The following RPL21 variants were observed in gnomAD, a reference collection of about 807,000 sequenced individuals.
The protein encoded by RPL21 is ribosomal protein L21.
A neutral mutation model predicts 21.2 loss-of-function variants in RPL21; 1 was observed. The observed-to-expected ratio is 0.05, with a 90% CI of 0.02 to 0.22. The LOEUF is 0.22. RPL21 is among the 10% of genes least tolerant of loss of function. RPL21 has a pLI of 1.00. For missense variants in RPL21, 113 were observed against 199.4 expected (o/e 0.57, Z 2.61); for synonymous variants, 52 against 62.9 (o/e 0.83, Z 0.82).
chr13:27,254,761 G>C lies in RPL21; in HGVS notation c.129+480G>C, dbSNP rs1197703524. Among the ~76,000 whole-genome samples, 5 of 152,230 alleles carry C rather than the reference G, an allele frequency of 3.3e-5. No homozygotes were observed. In the South Asian group the frequency reaches 1.0e-3, roughly 32 times the overall value. On this transcript the variant is annotated intron_variant, in intron 3 of 5. Coordinates refer to ENST00000311549, the MANE Select transcript of RPL21 (RefSeq NM_000982.4). ...TGGTCTTGAACACCTCGGGTGATCC[G>C]CCGGACTCAGCCTCCCAATGTGCTG...
At chr13:27,254,019 A>G (rs933053732) in intron 2 of RPL21, among the ~76,000 whole-genome samples, 176 bp downstream of exon 2, 2 of 152,222 alleles carry the variant, frequency 1.3e-5, no homozygotes, top group Non-Finnish European at 2.9e-5. Context: ...TTTTGTGACT[A>G]AGTATTGATG....
chr13:27,252,462 A>C (rs1259089599), intron 1 of RPL21, among the ~76,000 whole-genome samples: 1 of 152,174 alleles, frequency 6.6e-6, no homozygotes, highest in Non-Finnish European at 1.5e-5. Flanking sequence ...TCGTTTTGAA[A>C]AGTGCCTTCA....
At chr13:27,254,399 T>G in intron 3 of RPL21, 118 bp downstream of exon 3, 1 of 648,626 alleles carries the variant, frequency 1.5e-6, no homozygotes, top group Non-Finnish European at 2.7e-6. Context: ...TGGATTTTTT[T>G]TTTTTTTTTT....
intron 1 of RPL21, among the ~76,000 whole-genome samples, chr13:27,253,117 G>T (rs1881725673): frequency 6.6e-6 from 1 of 152,228 alleles, no homozygotes; most frequent in Non-Finnish European, 1.5e-5. Context: ...AGCTACGAAA[G>T]TGTTCACCCC....
At chr13:27,253,665 T>A in intron 1 of RPL21, 100 bp from the exon 2 acceptor site, 1 of 729,312 alleles carries the variant, frequency 1.4e-6, no homozygotes, top group Non-Finnish European at 2.5e-6. Context: ...CAGTTTGCAG[T>A]TCTCACTTCG....
chr13:27,252,363 G>A (rs1407956357), intron 1 of RPL21, among the ~76,000 whole-genome samples: 1 of 152,180 alleles, frequency 6.6e-6, no homozygotes, highest in African/African-American at 2.4e-5. Flanking sequence ...CTAGTTTGTG[G>A]ACGTCAACAG....
chr13:27,255,623 G>T lies in RPL21; in HGVS notation c.242+269G>T, dbSNP rs1881867069. On this transcript the variant is annotated intron_variant, in intron 4 of 5. Transcript: ENST00000311549. Reference sequence around the variant, plus strand: ...GTCTTGCTCTGTCGCCCTGGCTGGAGTGCAGTGGTGGGATCTCTGCTCTCT... The same window carrying T: ...GTCTTGCTCTGTCGCCCTGGCTGGATTGCAGTGGTGGGATCTCTGCTCTCT... The T allele has an allele frequency of 1.3e-5, 7 of 546,582 alleles. No individual in the cohort carries two copies. The Admixed American group carries it at 1.4e-4, about 11-fold the overall frequency. The allele number at this position is 546,582 out of a possible 1,614,324, so 33.9% of individuals were successfully genotyped here. A position where few individuals can be genotyped will look rare whatever the true frequency, so the allele number is the denominator to read the frequency against.
intron 3 of RPL21, 184 bp downstream of exon 3, chr13:27,254,465 A>C (rs1593261484): frequency 1.9e-6 from 1 of 538,664 alleles, no homozygotes; most frequent in Non-Finnish European, 3.2e-6. Flanking sequence ...GCATGATCTC[A>C]CCTCAACCTC....
At chr13:27,255,471 C>A in intron 4 of RPL21, 117 bp downstream of exon 4, 1 of 769,536 alleles carries the variant, frequency 1.3e-6, no homozygotes. Flanking sequence ...AGGAAATATC[C>A]TTTTAAAACT....
chr13:27,254,045 G>C (rs1267849891), intron 2 of RPL21, among the ~76,000 whole-genome samples, 175 bp from the exon 3 acceptor site: 1 of 152,208 alleles, frequency 6.6e-6, no homozygotes, highest in Admixed American at 6.5e-5. Context: ...TTAAACTTTG[G>C]AGAGAGGTTG....
chr13:27,253,104 C>T (rs1881724790), intron 1 of RPL21, among the ~76,000 whole-genome samples: 1 of 152,284 alleles, frequency 6.6e-6, no homozygotes, highest in African/African-American at 2.4e-5. Context: ...TAGACATTAC[C>T]TCAGCTACGA....
chr13:27,254,902 A>G, intron 3 of RPL21: 1 of 407,324 alleles, frequency 2.5e-6, no homozygotes. Context: ...GCTAGTGGAA[A>G]TTGGGTGGTA....
At chr13:27,252,431 A>G (rs559089676) in intron 1 of RPL21, among the ~76,000 whole-genome samples, 1 of 152,160 alleles carries the variant, frequency 6.6e-6, no homozygotes, top group African/African-American at 2.4e-5. Context: ...TGATTTTAAT[A>G]CTCTTACAAA....
In RPL21 at chr13:27,256,302, G is replaced by C. The variant is rs1566039648; in HGVS notation, c.361G>C (p.Glu121Gln). The change falls in exon 5 of 6, where the codon GAG (glutamate) becomes CAG (glutamine). Residue 121 changes from glutamate to glutamine, a missense_variant. Coordinates refer to ENST00000311549, the MANE Select transcript of RPL21 (RefSeq NM_000982.4). ...TGATCAGAAAAAGAAAGAAGCCAAA[G>C]AGAAAGGTACCTGGGTTCAACTAAA... is the stretch of plus-strand genomic sequence containing the variant. ...ENDQKKKEAK[E>Q]KGTWVQLKRQ... The C allele has an allele frequency of 1.9e-6, 3 of 1,609,012 alleles. No homozygotes were observed. The highest frequency in any genetic ancestry group is 2.2e-5 in the South Asian group (2 of 90,532).
At chr13:27,254,798 G>A (rs1007849913) in intron 3 of RPL21, 4 of 347,430 alleles carry the variant, frequency 1.2e-5, no homozygotes, top group African/African-American at 6.4e-5. Flanking sequence ...GATTATTACA[G>A]GTGTGAACCA....
chr13:27,253,372 T>C (rs1394710519), intron 1 of RPL21, among the ~76,000 whole-genome samples: 1 of 151,998 alleles, frequency 6.6e-6, no homozygotes, highest in Non-Finnish European at 1.5e-5. Flanking sequence ...CACATAAAAA[T>C]GTAAGGCTGT....
chr13:27,256,453 A>G lies in RPL21; in HGVS notation c.411A>G (p.Glu137=), dbSNP rs766396163. 1.9e-6 allele frequency: 3 copies of G among 1,582,976 alleles called. No homozygotes were observed. The highest frequency in any genetic ancestry group is 2.2e-5 in the East Asian group (1 of 44,744). Residue 137 remains glutamate, a synonymous_variant, in exon 6 of 6, where the codon GAA becomes GAG. Coordinates refer to ENST00000311549, the MANE Select transcript of RPL21 (RefSeq NM_000982.4). ...TTTAATAGCCTGCTCCACCCAGAGA[A>G]GCACACTTTGTGAGAACCAATGGGA... ...QLKRQPAPPR[E]AHFVRTNGKE...
chr13:27,252,831 C>T (rs761010869), intron 1 of RPL21, among the ~76,000 whole-genome samples: 1 of 152,158 alleles, frequency 6.6e-6, no homozygotes, highest in African/African-American at 2.4e-5. Context: ...TGTTGGTAAA[C>T]TTAGAAACCA....
chr13:27,254,361 T>C, intron 3 of RPL21, 80 bp downstream of exon 3: 1 of 803,898 alleles, frequency 1.2e-6, no homozygotes, highest in Non-Finnish European at 2.2e-6. Flanking sequence ...CAAATACTAG[T>C]GTATGTTGCA....
Sources: allele counts gnomAD v4.1 joint callset (sites outside exome capture counted in the v4.1 genomes callset), GRCh38; gene constraint gnomAD v4.1.1; transcripts MANE v1.5; gene names NCBI Gene and HGNC (gene_info 2026-07-23, HGNC 2026-07-21).